Variants in HMBOX1 observed in about 807,000 individuals in gnomAD.
The protein encoded by HMBOX1 is homeobox containing 1.
HMBOX1 carries 14 observed loss-of-function variants against 54.5 expected under a neutral mutation model. That is an observed-to-expected ratio of 0.26 (90% CI 0.17 to 0.40). The LOEUF (loss-of-function observed/expected upper bound fraction) is 0.40, where lower values mean the gene tolerates loss of function less well. Ranked by LOEUF, HMBOX1 falls within the 10% of genes least tolerant of loss-of-function variation. The probability of loss-of-function intolerance (pLI) is 1.00; values close to 1 mark genes in which losing one functional copy is unlikely to be tolerated. For missense variants in HMBOX1, 332 were observed against 514.4 expected (o/e 0.65, Z 3.43); for synonymous variants, 160 against 181.0 (o/e 0.88, Z 0.93).
At chr8:28,966,069 A>G (rs1023305684) in intron 2 of HMBOX1, among the ~76,000 whole-genome samples, 3 of 152,174 alleles carry the variant, frequency 2.0e-5, no homozygotes, top group African/African-American at 4.8e-5. Flanking sequence ...TACAAGTAAG[A>G]TAGTAATGTC....
intron 4 of HMBOX1, 121 bp from the exon 5 acceptor site, chr8:29,008,951 G>T: frequency 1.5e-6 from 1 of 650,510 alleles, no homozygotes; most frequent in Non-Finnish European, 2.7e-6. Flanking sequence ...TGCTCAGGTT[G>T]CAACTTCCTT....
intron 1 of HMBOX1, among the ~76,000 whole-genome samples, chr8:28,942,221 A>T (rs1290642688): frequency 6.6e-6 from 1 of 152,192 alleles, no homozygotes; most frequent in Non-Finnish European, 1.5e-5. Flanking sequence ...AGTTCAGCGC[A>T]GTCTCCTTCT....
At chr8:28,948,141 TC>T (rs1367808172) in intron 1 of HMBOX1, among the ~76,000 whole-genome samples, 1 of 152,224 alleles carries the variant, frequency 6.6e-6, no homozygotes, top group African/African-American at 2.4e-5. Context: ...AGTAAGACTT[TC>T]TCTGAGCATT....
chr8:28,903,777 C>T (rs901647705), intron 1 of HMBOX1, among the ~76,000 whole-genome samples: 1 of 152,176 alleles, frequency 6.6e-6, no homozygotes, highest in African/African-American at 2.4e-5. Flanking sequence ...ATGACTTAAA[C>T]ATTTTACTTT....
intron 9 of HMBOX1, chr8:29,049,583 TCCTCTCA>T: frequency 7.0e-6 from 5 of 714,848 alleles, no homozygotes; most frequent in Non-Finnish European, 1.1e-5. Context: ...GACACATGCA[TCCTCTCA>T]TAAGTGCAAT....
chr8:29,038,107 C>T (rs1018117674), intron 6 of HMBOX1, among the ~76,000 whole-genome samples: 5 of 152,184 alleles, frequency 3.3e-5, no homozygotes, highest in African/African-American at 7.2e-5. Flanking sequence ...TATATGTTCA[C>T]GCAGACACAA....
intron 1 of HMBOX1, among the ~76,000 whole-genome samples, chr8:28,913,855 CTTTT>C (rs1304959910): frequency 4.9e-5 from 5 of 101,326 alleles, no homozygotes; most frequent in Admixed American, 1.0e-4. Flanking sequence ...TCAAGTGATT[CTTTT>C]TTTTTTTTTT....
chr8:28,974,878 G>A (rs1260322367), intron 3 of HMBOX1, among the ~76,000 whole-genome samples: 3 of 152,170 alleles, frequency 2.0e-5, no homozygotes, highest in African/African-American at 7.2e-5. Context: ...ACCTTTAAGA[G>A]ATCCTAAAGA....
chr8:29,026,489 A>G (rs966809091), intron 6 of HMBOX1, among the ~76,000 whole-genome samples: 1 of 152,176 alleles, frequency 6.6e-6, no homozygotes, highest in Non-Finnish European at 1.5e-5. Flanking sequence ...ATTAAATTGT[A>G]TGCCTTAAAT....
At chr8:28,906,484 G>A (rs939484749) in intron 1 of HMBOX1, among the ~76,000 whole-genome samples, 4 of 152,134 alleles carry the variant, frequency 2.6e-5, no homozygotes, top group East Asian at 1.9e-4. Flanking sequence ...AAAATACTTA[G>A]TATTTGAAAC....
intron 1 of HMBOX1, among the ~76,000 whole-genome samples, chr8:28,902,484 A>T (rs1167904178): frequency 6.6e-6 from 1 of 152,204 alleles, no homozygotes; most frequent in Non-Finnish European, 1.5e-5. Context: ...AGATCTCAGT[A>T]CTGCACATGG....
At position 29,005,314 on chromosome 8, in the gene HMBOX1, T is replaced by C. The variant is rs150288960; in HGVS notation, c.587-3758T>C. 1.4e-4 allele frequency among the ~76,000 whole-genome samples: 21 copies of C among 152,310 alleles called. No individual in the cohort carries two copies. In the East Asian group the frequency reaches 3.5e-3, roughly 25 times the overall value. On this transcript the variant is annotated intron_variant, in intron 4 of 9. Coordinates refer to ENST00000287701, the MANE Select transcript of HMBOX1 (RefSeq NM_001135726.3). ...ATTTAGGGTGAAAAGCCAAAAATAATTAATGCATATTTATAGGAAGATTAA... is the reference window on the plus strand; with the variant it reads ...ATTTAGGGTGAAAAGCCAAAAATAACTAATGCATATTTATAGGAAGATTAA...
intron 1 of HMBOX1, among the ~76,000 whole-genome samples, chr8:28,926,529 A>ATC (rs1180698325): frequency 6.6e-6 from 1 of 152,172 alleles, no homozygotes; most frequent in Non-Finnish European, 1.5e-5. Flanking sequence ...TGACTGGAGT[A>ATC]AACTTTATAA....
chr8:29,042,753 G>T (rs531483520), intron 6 of HMBOX1: 2 of 454,548 alleles, frequency 4.4e-6, no homozygotes, highest in Non-Finnish European at 8.8e-6. Context: ...AAACAATCTA[G>T]TTTCTCCTAA....
chr8:28,970,379 G>C lies in HMBOX1; in HGVS notation c.360G>C (p.Glu120Asp). The change falls in exon 3 of 10, where the codon GAG becomes GAC. Residue 120 changes from glutamate (E) to aspartate (D), a missense_variant. Physicochemically the swap from Glu to Asp is conservative, Grantham distance 45. This residue lies in a region of HMBOX1 where 146 missense variants were observed against 173.3 expected (regional missense o/e 0.84). Coordinates refer to ENST00000287701, the MANE Select transcript of HMBOX1 (RefSeq NM_001135726.3). The surrounding 1 kb of genome is among the most constrained non-coding windows in gnomAD (Gnocchi z 4.3). Reference protein sequence around the residue: ...QPCTTNQNGRENNERLSTSNG... With the variant: ...QPCTTNQNGRDNNERLSTSNG... ...GCACTACCAATCAAAATGGGAGGGA[G>C]AATAATGAGCGATTATCTACATCCA... 6.2e-6 allele frequency: 10 copies of C among 1,614,150 alleles called. No homozygotes were observed. Among genetic ancestry groups the C allele is most frequent in the Non-Finnish European group, 5.1e-6 (6 of 1,180,004 alleles).
chr8:29,008,998 T>C lies in HMBOX1; in HGVS notation c.587-74T>C, dbSNP rs1015444553. 4.1e-6 allele frequency: 5 copies of C among 1,210,138 alleles called. No individual in the cohort carries two copies. In the Admixed American group the frequency reaches 7.5e-5, roughly 18 times the overall value. The allele number at this position is 1,210,138 out of a possible 1,614,324, so 75.0% of individuals were successfully genotyped here. A position where few individuals can be genotyped will look rare whatever the true frequency, so the allele number is the denominator to read the frequency against. On this transcript the variant is annotated intron_variant, in intron 4 of 9. Coordinates refer to ENST00000287701, the MANE Select transcript of HMBOX1 (RefSeq NM_001135726.3). ...ACAGAGAATAAAGCACCCAGTAACC[T>C]AGAACCAAAAGATCCTTTATTAATT...
intron 1 of HMBOX1, among the ~76,000 whole-genome samples, chr8:28,939,729 C>T (rs917675521): frequency 4.0e-5 from 6 of 151,852 alleles, no homozygotes; most frequent in Admixed American, 1.3e-4. Flanking sequence ...AGGCTGGTCT[C>T]GAACTCCTGG....
chr8:28,970,792 A>C lies in HMBOX1; in HGVS notation c.500+273A>C, dbSNP rs1051243297. The C allele has an allele frequency of 3.1e-6, 1 of 319,856 alleles. No homozygotes were observed. The highest frequency in any genetic ancestry group is 6.6e-5 in the South Asian group (1 of 15,160). 19.8% of individuals were successfully genotyped at this position (319,856 alleles called of 1,614,324 possible). On this transcript the variant is annotated intron_variant, in intron 3 of 9. Coordinates refer to ENST00000287701, the MANE Select transcript of HMBOX1 (RefSeq NM_001135726.3). The surrounding 1 kb of genome is among the most constrained non-coding windows in gnomAD (Gnocchi z 4.3). ...TGTTTATCAAACACTAATCTTCTCTATGACTCTAATAGCTAATTTCTGACT... is the reference window on the plus strand; with the variant it reads ...TGTTTATCAAACACTAATCTTCTCTCTGACTCTAATAGCTAATTTCTGACT...
At chr8:28,934,439 C>G (rs1219922852) in intron 1 of HMBOX1, among the ~76,000 whole-genome samples, 1 of 152,104 alleles carries the variant, frequency 6.6e-6, no homozygotes, top group Non-Finnish European at 1.5e-5. Flanking sequence ...TACTGCTATT[C>G]ATAATATACT....
Sources: allele counts gnomAD v4.1 joint callset (sites outside exome capture counted in the v4.1 genomes callset), GRCh38; gene constraint gnomAD v4.1.1; regional missense constraint gnomAD v4.1.1; non-coding constraint Gnocchi (gnomAD v3.1); transcripts MANE v1.5; gene names NCBI Gene and HGNC (gene_info 2026-07-23, HGNC 2026-07-21).